GARNL3: variants seen among roughly 807,000 people sequenced by gnomAD.
GARNL3 encodes GTPase activating Rap/RanGAP domain like 3, also known as GTPase-activating Rap/Ran-GAP domain-like protein 3.
GARNL3 carries 63 observed loss-of-function variants against 125.0 expected under a neutral mutation model. That is an observed-to-expected ratio of 0.50 (90% CI 0.41 to 0.62). The LOEUF (loss-of-function observed/expected upper bound fraction) is 0.62. GARNL3 is among the 20% of genes least tolerant of loss of function. GARNL3 has a pLI of 0.00. For synonymous variants in GARNL3, 439 were observed against 457.5 expected, an observed-to-expected ratio of 0.96 and a Z score of 0.52; for missense variants, 994 against 1,244.0, an observed-to-expected ratio of 0.80 and a Z score of 3.02.
At chr9:127,360,756 C>T (rs1830953489) in intron 21 of GARNL3, among the ~76,000 whole-genome samples, 1 of 152,182 alleles carries the variant, frequency 6.6e-6, no homozygotes, top group Non-Finnish European at 1.5e-5. Context: ...CTGGGCAGGC[C>T]TCGCTTCCTG....
upstream of GARNL3, among the ~76,000 whole-genome samples, chr9:127,261,415 T>G (rs1415966001): frequency 7.2e-6 from 1 of 138,208 alleles, no homozygotes; most frequent in Admixed American, 6.8e-5. Flanking sequence ...TGGTTTTTTT[T>G]TTTTTTTTTT....
chr9:127,297,692 A>C (rs753189786), intron 2 of GARNL3, among the ~76,000 whole-genome samples: 1 of 152,220 alleles, frequency 6.6e-6, no homozygotes, highest in Non-Finnish European at 1.5e-5. Context: ...TCCACCAGGT[A>C]ATTCTATTTA....
At chr9:127,298,318 A>G (rs2064671006) in intron 2 of GARNL3, among the ~76,000 whole-genome samples, 1 of 152,116 alleles carries the variant, frequency 6.6e-6, no homozygotes, top group Non-Finnish European at 1.5e-5. Context: ...AGCTGGGATT[A>G]CAGGCACCTG....
At position 127,349,012 on chromosome 9, in the gene GARNL3, A is replaced by G. The variant is rs1830290385; in HGVS notation, c.1520A>G (p.Asp507Gly). ...GGCCAGGCCTTGCTGGTTTCCACTGATGCTGGCGTCTTGCTAGTGGATGGT... is the reference window on the plus strand; with the variant it reads ...GGCCAGGCCTTGCTGGTTTCCACTGGTGCTGGCGTCTTGCTAGTGGATGGT... ...PWGQALLVST[D>G]AGVLLVDDDL... Residue 507 changes from aspartate to glycine, a missense_variant, in exon 17 of 28, where the codon GAT becomes GGT. Coordinates refer to ENST00000373387, the MANE Select transcript of GARNL3 (RefSeq NM_032293.5). 6.2e-7 allele frequency: 1 copy of G among 1,613,506 alleles called. No homozygotes were observed. The highest frequency in any genetic ancestry group is 1.3e-5 in the African/African-American group (1 of 74,912).
At position 127,332,415 on chromosome 9, in the gene GARNL3, T is replaced by C. The variant is rs377574981; in HGVS notation, c.670+66T>C. 17 of 1,274,676 alleles carry C rather than the reference T, an allele frequency of 1.3e-5. No homozygotes were observed. The East Asian group carries it at 2.8e-4, about 21-fold the overall frequency. The allele number at this position is 1,274,676 out of a possible 1,614,324, so 79.0% of individuals were successfully genotyped here. A position where few individuals can be genotyped will look rare whatever the true frequency, so the allele number is the denominator to read the frequency against. ...TCCTGCCTTGTTGCATTCTTGCCAGTTGGAGCTTAACTTGTCTGTTGAGTT... is the reference window on the plus strand; with the variant it reads ...TCCTGCCTTGTTGCATTCTTGCCAGCTGGAGCTTAACTTGTCTGTTGAGTT... On this transcript the variant is annotated intron_variant, in intron 8 of 27. Coordinates refer to ENST00000373387, the MANE Select transcript of GARNL3 (RefSeq NM_032293.5).
chr9:127,393,175 G>C lies in GARNL3; in HGVS notation c.2963G>C (p.Arg988Thr). ...ASSDQDPVAD[R>T]EGSPVSGSSP... is the part of the protein sequence containing the mutation. ...TCTGACCAGGACCCTGTGGCAGACA[G>C]AGAGGGCAGCCCGGTCTCCGGCAGC... is the stretch of plus-strand genomic sequence containing the variant. The change falls in exon 28 of 28, where the codon AGA (arginine) becomes ACA (threonine). Residue 988 changes from arginine (R) to threonine (T), a missense_variant. By Grantham distance (71) the Arg-to-Thr change is moderately conservative. This residue lies in a region of GARNL3 where 728 missense variants were observed against 865.7 expected (regional missense o/e 0.84). Transcript: ENST00000373387. 3 of 1,614,022 alleles carry C rather than the reference G, an allele frequency of 1.9e-6. No individual in the cohort carries two copies. The highest frequency in any genetic ancestry group is 2.5e-6 in the Non-Finnish European group (3 of 1,179,844).
intron 1 of GARNL3, among the ~76,000 whole-genome samples, chr9:127,226,220 C>CAG (rs966009340): frequency 1.3e-5 from 2 of 152,130 alleles, no homozygotes; most frequent in Non-Finnish European, 2.9e-5. Flanking sequence ...GAGTGGGGGA[C>CAG]AGAGAGAGAG....
intron 7 of GARNL3, among the ~76,000 whole-genome samples, chr9:127,326,165 G>A (rs2065565747): frequency 6.6e-6 from 1 of 152,158 alleles, no homozygotes; most frequent in Admixed American, 6.5e-5. Flanking sequence ...ACTCTGTCTA[G>A]AATAGTACAC....
intron 7 of GARNL3, among the ~76,000 whole-genome samples, chr9:127,326,993 G>A (rs1379506834): frequency 6.6e-6 from 1 of 152,114 alleles, no homozygotes; most frequent in Non-Finnish European, 1.5e-5. Flanking sequence ...TGTTATAGCA[G>A]CCCAAATAGA....
intron 1 of GARNL3, chr9:127,225,217 G>A (rs1338953737): frequency 1.4e-5 from 4 of 284,596 alleles, no homozygotes; most frequent in Non-Finnish European, 2.1e-5. Flanking sequence ...CGAGGGGAGA[G>A]GGGCGGGACG....
intron 1 of GARNL3, among the ~76,000 whole-genome samples, chr9:127,286,456 C>T (rs574127443): frequency 5.9e-5 from 9 of 152,306 alleles, no homozygotes; most frequent in East Asian, 3.9e-4. Flanking sequence ...GGACCACTTT[C>T]GTAACACCCC....
At chr9:127,282,037 G>A (rs977241555) in intron 1 of GARNL3, among the ~76,000 whole-genome samples, 1 of 152,182 alleles carries the variant, frequency 6.6e-6, no homozygotes, top group African/African-American at 2.4e-5. Context: ...TCTCTCCAGT[G>A]TCTGTCCCCT....
At chr9:127,262,088 T>C (rs2063605419), upstream of GARNL3, among the ~76,000 whole-genome samples, 1 of 152,176 alleles carries the variant, frequency 6.6e-6, no homozygotes, top group Non-Finnish European at 1.5e-5. Context: ...GATTTCTATC[T>C]TTCCAGCCTC....
chr9:127,316,876 A>G (rs918323061), intron 4 of GARNL3, among the ~76,000 whole-genome samples: 4 of 152,230 alleles, frequency 2.6e-5, no homozygotes, highest in African/African-American at 4.8e-5. Flanking sequence ...GCTTGGACAG[A>G]TGAATTGGCA....
chr9:127,239,338 C>A (rs2063164880), intron 1 of GARNL3, among the ~76,000 whole-genome samples: 3 of 152,320 alleles, frequency 2.0e-5, no homozygotes, highest in South Asian at 2.1e-4. Flanking sequence ...AAAGAGGGAA[C>A]CCTCTGCCAA....
At chr9:127,258,824 G>A (rs1225942065), upstream of GARNL3, among the ~76,000 whole-genome samples, 1 of 152,134 alleles carries the variant, frequency 6.6e-6, no homozygotes, top group South Asian at 2.1e-4. Context: ...TAGCTTCTCT[G>A]TCCCTCAATA....
intron 2 of GARNL3, among the ~76,000 whole-genome samples, chr9:127,248,171 T>C (rs2063335753): frequency 6.6e-6 from 1 of 152,240 alleles, no homozygotes; most frequent in Admixed American, 6.5e-5. Flanking sequence ...TCTATTCCCC[T>C]GCCGTTGTGT....
intron 17 of GARNL3, among the ~76,000 whole-genome samples, chr9:127,352,677 A>ATCT (rs1315205807): frequency 6.6e-6 from 1 of 152,148 alleles, no homozygotes; most frequent in African/African-American, 2.4e-5. Flanking sequence ...GTTCTGACAA[A>ATCT]TCTGAGCCCT....
At position 127,354,340 on chromosome 9, in the gene GARNL3, G is replaced by A; in HGVS notation, c.1689G>A (p.Lys563=). The change falls in exon 19 of 28, where the codon AAG becomes AAA. Residue 563 remains lysine (K), a synonymous_variant. Transcript: ENST00000373387. ...LFVFRLSALQ[K]GLEGKQAGKS... ...TCTTCAGGCTAAGTGCTCTGCAAAA[G>A]GGCCTTGAGGGGAAGCAGGCTGGGA... 6.2e-7 allele frequency: 1 copy of A among 1,614,030 alleles called. No individual in the cohort carries two copies. The highest frequency in any genetic ancestry group is 1.1e-5 in the South Asian group (1 of 91,076).
Sources: allele counts gnomAD v4.1 joint callset (sites outside exome capture counted in the v4.1 genomes callset), GRCh38; gene constraint gnomAD v4.1.1; regional missense constraint gnomAD v4.1.1; transcripts MANE v1.5; gene names NCBI Gene and HGNC (gene_info 2026-07-23, HGNC 2026-07-21).